COL24A1: variants seen among roughly 807,000 people sequenced by gnomAD.
COL24A1 encodes the protein collagen alpha-1(XXIV) chain.
Under a neutral mutation model 253.9 loss-of-function variants are expected in COL24A1, and 224 were observed. The ratio of observed to expected loss-of-function variants is 0.88; its 90% CI spans 0.79 to 0.99. The LOEUF (loss-of-function observed/expected upper bound fraction) is 0.99. Ranked by LOEUF, COL24A1 falls within the 50% of genes least tolerant of loss-of-function variation. The pLI is 0.00. For synonymous variants in COL24A1, 685 were observed against 673.7 expected (o/e 1.02, Z -0.26); for missense variants, 2,131 against 2,068.5 (o/e 1.03, Z -0.59).
chr1:86,127,683 TAAAA>T (rs1244364787), intron 2 of COL24A1, among the ~76,000 whole-genome samples: 1 of 151,624 alleles, frequency 6.6e-6, no homozygotes, highest in Non-Finnish European at 1.5e-5. Context: ...GTGAAAAAAA[TAAAA>T]GTCTTTGAAG....
chr1:85,866,585 C>T (rs984789689), intron 37 of COL24A1, among the ~76,000 whole-genome samples: 3 of 151,940 alleles, frequency 2.0e-5, no homozygotes, highest in Non-Finnish European at 2.9e-5. Flanking sequence ...ACCAGCCTGA[C>T]CCACATGGTA....
chr1:85,905,821 C>T (rs1684764203), intron 28 of COL24A1, among the ~76,000 whole-genome samples: 1 of 152,082 alleles, frequency 6.6e-6, no homozygotes, highest in Admixed American at 6.6e-5. Context: ...CTTAGATACA[C>T]AGCTTGTGCT....
At chr1:85,974,287 C>T (rs897690664) in intron 20 of COL24A1, among the ~76,000 whole-genome samples, 6 of 151,906 alleles carry the variant, frequency 3.9e-5, no homozygotes, top group East Asian at 1.9e-4. Flanking sequence ...AGTTTACAGG[C>T]GCACCTGGAG....
At chr1:85,869,557 A>G (rs538571509) in intron 35 of COL24A1, among the ~76,000 whole-genome samples, 2 of 152,324 alleles carry the variant, frequency 1.3e-5, no homozygotes, top group South Asian at 4.1e-4. Flanking sequence ...ATTCCTAAAG[A>G]AAAGAATTTT....
At chr1:85,933,506 T>C (rs1318178065) in intron 24 of COL24A1, among the ~76,000 whole-genome samples, 3 of 152,188 alleles carry the variant, frequency 2.0e-5, no homozygotes, top group Non-Finnish European at 4.4e-5. Flanking sequence ...TCTAGATAGC[T>C]TTCCTACACT....
At chr1:86,017,349 G>A (rs981899150) in intron 18 of COL24A1, 145 bp from the exon 19 acceptor site, 17 of 717,700 alleles carry the variant, frequency 2.4e-5, no homozygotes, top group Admixed American at 3.7e-5. Context: ...AGAAAAATTT[G>A]TAACCATCAT....
intron 47 of COL24A1, 35 bp downstream of exon 47, chr1:85,816,753 G>A: frequency 6.5e-7 from 1 of 1,544,986 alleles, no homozygotes; most frequent in South Asian, 1.1e-5. Flanking sequence ...ACATGCATAG[G>A]AAATAATGAG....
intron 47 of COL24A1, among the ~76,000 whole-genome samples, chr1:85,797,207 C>CAAAAA (rs1181001829): frequency 1.4e-4 from 9 of 66,170 alleles, no homozygotes; most frequent in Admixed American, 5.5e-4. Context: ...GACTCCGTCT[C>CAAAAA]AAAAAAAAAA....
At chr1:86,086,674 A>G (rs1242575434) in intron 7 of COL24A1, among the ~76,000 whole-genome samples, 1 of 152,198 alleles carries the variant, frequency 6.6e-6, no homozygotes, top group Non-Finnish European at 1.5e-5. Context: ...TCAAACATGA[A>G]AAAGCAAGGA....
chr1:85,796,197 T>C (rs1034541800), intron 47 of COL24A1, among the ~76,000 whole-genome samples: 8 of 152,178 alleles, frequency 5.3e-5, no homozygotes, highest in African/African-American at 1.7e-4. Flanking sequence ...CGTAAGGTAG[T>C]GAAGACAGGT....
rs1257999205 is a variant in COL24A1 at position 86,031,878 on chromosome 1, TC to T, written c.2048del (p.Arg683LysfsTer43). Reference protein sequence around the residue: ...GTGPPGFPGLRGSVGPVGPIG... With the variant: ...GTGPPGFPGLXGSVGPVGPIG... The stretch of plus-strand genomic sequence containing the variant: ...AATGATGATATTTAGTGATACTCAC[TC>T]TAAGCCCAGGAAACCCCGGAGGACC... On this transcript the variant is annotated frameshift_variant and splice_region_variant, in exon 14 of 60. Transcript: ENST00000370571. LOFTEE classifies it high-confidence loss of function. The T allele has an allele frequency of 6.2e-7, 1 of 1,606,642 alleles. No homozygotes were observed. The highest frequency in any genetic ancestry group is 1.3e-5 in the African/African-American group (1 of 74,704).
chr1:85,971,422 A>G (rs1692159133), intron 20 of COL24A1, 29 bp from the exon 21 acceptor site: 1 of 1,536,026 alleles, frequency 6.5e-7, no homozygotes, highest in African/African-American at 1.4e-5. Flanking sequence ...TGCACACAAT[A>G]GAAATTTTAG....
chr1:85,926,584 G>T (rs1487957288), intron 24 of COL24A1, among the ~76,000 whole-genome samples: 2 of 151,828 alleles, frequency 1.3e-5, no homozygotes, highest in Non-Finnish European at 2.9e-5. Flanking sequence ...ACCAAACACT[G>T]CATGTTCTCA....
At chr1:85,867,566 C>T (rs1461554539) in intron 37 of COL24A1, among the ~76,000 whole-genome samples, 3 of 152,154 alleles carry the variant, frequency 2.0e-5, no homozygotes, top group African/African-American at 2.4e-5. Flanking sequence ...CCTCCAAAGG[C>T]ATGAACATTT....
rs758104919 is a variant in COL24A1, at chr1:86,050,195, G to A, written c.1852-18C>T. ...ATAAAACCCTTAAAACAAGAAAATA[G>A]TCTGTATATTAGTTCATTTGAATAT... On this transcript the variant is annotated intron_variant, in intron 10 of 59. Coordinates refer to ENST00000370571, the MANE Select transcript of COL24A1 (RefSeq NM_152890.7). 4.0e-5 allele frequency: 64 copies of A among 1,608,202 alleles called. No homozygotes were observed. Among genetic ancestry groups the A allele is most frequent in the East Asian group, 4.5e-5 (2 of 44,786 alleles).
At chr1:86,019,783 A>G (rs1697328982) in intron 18 of COL24A1, among the ~76,000 whole-genome samples, 1 of 152,110 alleles carries the variant, frequency 6.6e-6, no homozygotes, top group Non-Finnish European at 1.5e-5. Context: ...ACAGTACAGA[A>G]AGGTGTAAAA....
intron 6 of COL24A1, 131 bp from the exon 7 acceptor site, chr1:86,089,358 G>T: frequency 2.6e-6 from 2 of 766,724 alleles, no homozygotes; most frequent in Non-Finnish European, 4.3e-6. Context: ...CACAATCTTT[G>T]AGCCTGTTTC....
chr1:86,136,677 T>C (rs1650301325), intron 2 of COL24A1, among the ~76,000 whole-genome samples: 1 of 152,064 alleles, frequency 6.6e-6, no homozygotes, highest in African/African-American at 2.4e-5. Flanking sequence ...TTAAGGTCTC[T>C]GACTGCTCCA....
At chr1:85,997,053 G>GTATA (rs1459075915) in intron 19 of COL24A1, among the ~76,000 whole-genome samples, 2 of 64,744 alleles carry the variant, frequency 3.1e-5, no homozygotes, top group South Asian at 5.6e-4. Flanking sequence ...GTGTGTGTGT[G>GTATA]TGTATATATA....
Sources: allele counts gnomAD v4.1 joint callset (sites outside exome capture counted in the v4.1 genomes callset), GRCh38; gene constraint gnomAD v4.1.1; transcripts MANE v1.5; gene names NCBI Gene and HGNC (gene_info 2026-07-23, HGNC 2026-07-21).